TANC2: variants seen among roughly 807,000 people sequenced by gnomAD.
The protein encoded by TANC2 is protein TANC2.
TANC2 carries 26 observed loss-of-function variants against 210.5 expected under a neutral mutation model. The observed-to-expected ratio is 0.12, with a 90% CI of 0.09 to 0.17. The LOEUF is 0.17. Ranked by LOEUF, TANC2 falls within the 10% of genes least tolerant of loss-of-function variation. The probability of loss-of-function intolerance (pLI) is 1.00; values close to 1 mark genes in which losing one functional copy is unlikely to be tolerated. For missense variants in TANC2, 2,129 were observed against 2,608.9 expected (o/e 0.82, Z 4.01); for synonymous variants, 931 against 967.1 (o/e 0.96, Z 0.69).
chr17:63,224,449 A>C lies in TANC2; in HGVS notation c.770-13365A>C, dbSNP rs137952061. ...GCATTTTTAGGAGAGACGAGGTTTC[A>C]CCGTGTTGGCCACGGTGGTCTCAAA... On this transcript the variant is annotated intron_variant, in intron 7 of 27. Coordinates refer to ENST00000689528, the Ensembl canonical transcript of TANC2. Among the ~76,000 whole-genome samples, 55 of 152,158 alleles carry C rather than the reference A, an allele frequency of 3.6e-4. 1 individual carries two copies. The East Asian group carries it at 0.01, about 28-fold the overall frequency.
At chr17:63,200,679 T>G in intron 6 of TANC2, 92 bp from the exon 7 acceptor site, 2 of 1,044,396 alleles carry the variant, frequency 1.9e-6, no homozygotes, top group Non-Finnish European at 1.3e-6. Flanking sequence ...ATGCATGTAG[T>G]TTTTTTTTTC....
At chr17:63,408,696 C>T (rs573126093) in intron 21 of TANC2, among the ~76,000 whole-genome samples, 1 of 152,218 alleles carries the variant, frequency 6.6e-6, no homozygotes, top group African/African-American at 2.4e-5. Flanking sequence ...AAACCATAGA[C>T]TCTAATGACC....
chr17:63,389,222 T>C, intron 16 of TANC2, 86 bp from the exon 17 acceptor site: 1 of 1,008,384 alleles, frequency 9.9e-7, no homozygotes, highest in Non-Finnish European at 1.5e-6. Flanking sequence ...GACACTGTTG[T>C]AGAATGTTAG....
At chr17:63,244,275 T>G (rs2042856577) in intron 8 of TANC2, among the ~76,000 whole-genome samples, 1 of 152,214 alleles carries the variant, frequency 6.6e-6, no homozygotes, top group Non-Finnish European at 1.5e-5. Context: ...CCACTTTTGC[T>G]GTGACTGGAC....
At chr17:63,358,484 A>G (rs1014952383) in intron 14 of TANC2, among the ~76,000 whole-genome samples, 2 of 151,638 alleles carry the variant, frequency 1.3e-5, no homozygotes, top group African/African-American at 4.9e-5. Flanking sequence ...TAGGTAAAAT[A>G]TGCCCCTTGA....
At chr17:63,005,734 T>C (rs932039569) in intron 1 of TANC2, among the ~76,000 whole-genome samples, 21 of 152,232 alleles carry the variant, frequency 1.4e-4, no homozygotes, top group African/African-American at 4.3e-4. Flanking sequence ...TTTCTTATAA[T>C]ATCTGTAAGG....
At chr17:63,071,452 C>T (rs1209352660) in intron 2 of TANC2, among the ~76,000 whole-genome samples, 1 of 152,054 alleles carries the variant, frequency 6.6e-6, no homozygotes, top group Non-Finnish European at 1.5e-5. Context: ...TCATTTTGCT[C>T]AGCCCTAGAA....
intron 5 of TANC2, among the ~76,000 whole-genome samples, chr17:63,157,738 T>C (rs1350407705): frequency 2.0e-5 from 3 of 151,872 alleles, no homozygotes; most frequent in Non-Finnish European, 4.4e-5. Flanking sequence ...ATATGTAAAA[T>C]AAAAATATAA....
At chr17:63,073,725 C>T (rs1482992114) in intron 2 of TANC2, among the ~76,000 whole-genome samples, 3 of 152,144 alleles carry the variant, frequency 2.0e-5, no homozygotes, top group African/African-American at 4.8e-5. Context: ...AAAACACCTA[C>T]ACTTTCTTAA....
intron 5 of TANC2, among the ~76,000 whole-genome samples, chr17:63,178,709 A>C (rs1336924620): frequency 6.6e-6 from 1 of 152,232 alleles, no homozygotes; most frequent in Non-Finnish European, 1.5e-5. Context: ...AATAGATGAG[A>C]ATAAGCAGTT....
chr17:63,029,749 A>C (rs1009085409), intron 2 of TANC2, among the ~76,000 whole-genome samples: 1 of 152,164 alleles, frequency 6.6e-6, no homozygotes, highest in African/African-American at 2.4e-5. Context: ...AGTCTAATAA[A>C]GGAGAGAGAT....
intron 5 of TANC2, among the ~76,000 whole-genome samples, chr17:63,189,484 A>C (rs2145719962): frequency 6.6e-6 from 1 of 152,078 alleles, no homozygotes; most frequent in Middle Eastern, 3.4e-3. Flanking sequence ...TGTGGTTTTG[A>C]TTTGCATTTC....
intron 9 of TANC2, among the ~76,000 whole-genome samples, chr17:63,274,069 A>G (rs886094727): frequency 6.6e-6 from 1 of 152,244 alleles, no homozygotes; most frequent in Admixed American, 6.5e-5. Context: ...TTAACAATAC[A>G]GGCATAATTA....
intron 1 of TANC2, among the ~76,000 whole-genome samples, chr17:63,002,241 G>A (rs940851134): frequency 2.0e-5 from 3 of 152,162 alleles, no homozygotes; most frequent in Admixed American, 6.5e-5. Flanking sequence ...AAGTAGTAAG[G>A]CATGAAGCTT....
intron 1 of TANC2, among the ~76,000 whole-genome samples, chr17:62,986,395 G>A (rs1164568037): frequency 1.3e-5 from 2 of 152,190 alleles, no homozygotes; most frequent in African/African-American, 4.8e-5. Flanking sequence ...CAGGATGCAA[G>A]CACACACCTG....
chr17:63,084,675 A>G (rs1470990049), intron 3 of TANC2, among the ~76,000 whole-genome samples: 1 of 152,036 alleles, frequency 6.6e-6, no homozygotes, highest in African/African-American at 2.4e-5. Context: ...GATTTTGAAA[A>G]GTTGTATTTT....
At chr17:63,392,362 C>T (rs1352903537) in intron 17 of TANC2, among the ~76,000 whole-genome samples, 2 of 152,210 alleles carry the variant, frequency 1.3e-5, no homozygotes, top group Non-Finnish European at 2.9e-5. Flanking sequence ...CTTTACCCTC[C>T]TCTTTCTGGA....
chr17:63,252,770 A>AT (rs934082354), intron 8 of TANC2, among the ~76,000 whole-genome samples: 25 of 151,094 alleles, frequency 1.7e-4, no homozygotes, highest in Non-Finnish European at 2.4e-4. Context: ...TATGTACCAC[A>AT]TTTTTTTTTA....
intron 5 of TANC2, among the ~76,000 whole-genome samples, chr17:63,164,650 G>A (rs1360438200): frequency 6.6e-6 from 1 of 152,130 alleles, no homozygotes; most frequent in African/African-American, 2.4e-5. Context: ...TGGTGGTATA[G>A]TAATCCAGTC....
Sources: allele counts gnomAD v4.1 joint callset (sites outside exome capture counted in the v4.1 genomes callset), GRCh38; gene constraint gnomAD v4.1.1; transcripts MANE v1.5; gene names NCBI Gene and HGNC (gene_info 2026-07-23, HGNC 2026-07-21).